TENM3: variants seen among roughly 807,000 people sequenced by gnomAD.
TENM3 encodes the protein teneurin-3.
In TENM3, 63 loss-of-function variants were observed where a neutral mutation model predicts 255.1. The ratio of observed to expected loss-of-function variants is 0.25; its 90% CI spans 0.20 to 0.30. The LOEUF (loss-of-function observed/expected upper bound fraction) is 0.30. Among genes scored for constraint, TENM3 ranks in the 10% least tolerant of loss-of-function variants. TENM3 has a pLI of 1.00. For missense variants in TENM3, 2,929 were observed against 3,461.1 expected (o/e 0.85, Z 3.86); for synonymous variants, 1,306 against 1,322.3 (o/e 0.99, Z 0.27).
the TENM3 span, among the ~76,000 whole-genome samples, chr4:181,752,108 T>A: frequency 0.043 from 6,501 of 152,290 alleles, 163 homozygotes; most frequent in Middle Eastern, 0.11. Flanking sequence ...TTCTGTTTTA[T>A]AAAGGCCATT....
rs2152725075 is a variant in TENM3 at position 182,737,027 on chromosome 4, A to G, written c.3187A>G (p.Lys1063Glu). ...CTTGGCCTATACTTTCATATGGGATAAAACAGATGCATATAATCAGAAAGT... is the reference window on the plus strand; with the variant it reads ...CTTGGCCTATACTTTCATATGGGATGAAACAGATGCATATAATCAGAAAGT... Reference protein sequence around the residue: ...PNLAYTFIWDKTDAYNQKVYG... With the variant: ...PNLAYTFIWDETDAYNQKVYG... The change falls in exon 17 of 28, where the codon AAA becomes GAA. Residue 1063 changes from lysine (K) to glutamate (E), a missense_variant. Around this residue, in one of 6 missense-constraint regions of TENM3, gnomAD observed 1,608 missense variants for 1,884.4 expected, o/e 0.85. Coordinates refer to ENST00000511685, the MANE Select transcript of TENM3 (RefSeq NM_001080477.4). 1 of 1,613,882 alleles carries G rather than the reference A, an allele frequency of 6.2e-7. No homozygotes were observed. Among genetic ancestry groups the G allele is most frequent in the East Asian group, 2.2e-5 (1 of 44,862 alleles).
chr4:182,734,893 AAG>A (rs989727200), intron 16 of TENM3, among the ~76,000 whole-genome samples: 2 of 152,226 alleles, frequency 1.3e-5, no homozygotes, highest in African/African-American at 4.8e-5. Context: ...TAATATTCGT[AAG>A]AGAGTCCCTT....
At chr4:182,180,014 C>G (rs1752745608) in intron 1 of TENM3, among the ~76,000 whole-genome samples, 1 of 151,882 alleles carries the variant, frequency 6.6e-6, no homozygotes, top group South Asian at 2.1e-4. Context: ...TAAGTTACAG[C>G]CTGCTTTATG....
At chr4:182,465,149 T>C (rs1476748111) in intron 3 of TENM3, among the ~76,000 whole-genome samples, 3 of 152,194 alleles carry the variant, frequency 2.0e-5, no homozygotes, top group Non-Finnish European at 4.4e-5. Context: ...GTAATGTCTT[T>C]CTTAAGGAAA....
At chr4:182,422,741 T>A (rs1021357539) in intron 3 of TENM3, among the ~76,000 whole-genome samples, 18 of 152,240 alleles carry the variant, frequency 1.2e-4, no homozygotes, top group Non-Finnish European at 2.6e-4. Context: ...TTTTTTTTAC[T>A]GCTTATTGTA....
chr4:182,027,386 G>A, the TENM3 span, among the ~76,000 whole-genome samples: 1 of 151,976 alleles, frequency 6.6e-6, no homozygotes, highest in Non-Finnish European at 1.5e-5. Flanking sequence ...GAGTCTTTAG[G>A]TTTTTCCAAA....
At chr4:182,442,847 TACACACACAC>T (rs10586825) in intron 3 of TENM3, among the ~76,000 whole-genome samples, 10 of 147,870 alleles carry the variant, frequency 6.8e-5, no homozygotes, top group East Asian at 4.1e-4. Flanking sequence ...CATACATATA[TACACACACAC>T]ACACACACAC....
chr4:181,710,493 G>A, the TENM3 span, among the ~76,000 whole-genome samples: 9 of 151,946 alleles, frequency 5.9e-5, no homozygotes, highest in South Asian at 2.1e-4. Context: ...TGAGGCGGGC[G>A]GATCACAAGG....
intron 3 of TENM3, among the ~76,000 whole-genome samples, chr4:182,442,360 T>C (rs575521651): frequency 2.0e-5 from 3 of 152,212 alleles, no homozygotes; most frequent in Non-Finnish European, 4.4e-5. Flanking sequence ...TTATAAATTG[T>C]AAAGGGTTAA....
At chr4:182,162,306 A>G (rs899833127) in intron 1 of TENM3, among the ~76,000 whole-genome samples, 3 of 152,098 alleles carry the variant, frequency 2.0e-5, no homozygotes, top group Admixed American at 2.0e-4. Flanking sequence ...TTTATTAAAC[A>G]CCTATTTTGA....
At chr4:181,980,005 G>A in the TENM3 span, 1 of 152,258 alleles carries the variant, frequency 6.6e-6, no homozygotes, top group Non-Finnish European at 1.5e-5. Flanking sequence ...GCCCAGGCAG[G>A]TTGAAAGCCT....
chr4:182,369,322 T>C (rs1309196311), intron 3 of TENM3, among the ~76,000 whole-genome samples: 1 of 152,184 alleles, frequency 6.6e-6, no homozygotes, highest in African/African-American at 2.4e-5. Flanking sequence ...AGAATCTAAA[T>C]ACCCTGCTAA....
chr4:182,014,661 C>A, the TENM3 span, among the ~76,000 whole-genome samples: 1 of 151,902 alleles, frequency 6.6e-6, no homozygotes, highest in Non-Finnish European at 1.5e-5. Flanking sequence ...GCGAGCTGAT[C>A]CTGAGGTGAG....
At chr4:182,060,422 A>G in the TENM3 span, among the ~76,000 whole-genome samples, 66 of 152,198 alleles carry the variant, frequency 4.3e-4, 1 homozygote, top group South Asian at 0.013. Flanking sequence ...GGAGCATGCA[A>G]CCGAGATCCC....
the TENM3 span, among the ~76,000 whole-genome samples, chr4:181,733,865 C>T: frequency 1.3e-5 from 2 of 152,146 alleles, no homozygotes; most frequent in African/African-American, 4.8e-5. Context: ...TGACATTATG[C>T]GTTTAAAAAT....
chr4:181,562,203 T>C, the TENM3 span, among the ~76,000 whole-genome samples: 1 of 152,242 alleles, frequency 6.6e-6, no homozygotes, highest in East Asian at 1.9e-4. Flanking sequence ...TAGTCAAATA[T>C]AGAAACCTTA....
intron 1 of TENM3, among the ~76,000 whole-genome samples, chr4:182,179,692 C>A (rs758019681): frequency 1.3e-5 from 2 of 152,124 alleles, no homozygotes; most frequent in African/African-American, 2.4e-5. Flanking sequence ...TTACTTAATC[C>A]TTTGATTCAA....
intron 3 of TENM3, among the ~76,000 whole-genome samples, chr4:182,436,193 A>G (rs1191372233): frequency 1.3e-5 from 2 of 152,120 alleles, no homozygotes; most frequent in African/African-American, 4.8e-5. Flanking sequence ...TTAAGGGAGT[A>G]TGGGGAGTCA....
chr4:182,237,476 C>T (rs1001632630), intron 1 of TENM3, among the ~76,000 whole-genome samples: 3 of 151,862 alleles, frequency 2.0e-5, no homozygotes, highest in Non-Finnish European at 4.4e-5. Flanking sequence ...AGCAGTTCTC[C>T]CGCTTCAGCC....
Sources: allele counts gnomAD v4.1 joint callset (sites outside exome capture counted in the v4.1 genomes callset), GRCh38; gene constraint gnomAD v4.1.1; regional missense constraint gnomAD v4.1.1; transcripts MANE v1.5; gene names NCBI Gene and HGNC (gene_info 2026-07-23, HGNC 2026-07-21).